The following KDM5C variants were observed in gnomAD, a reference collection of about 807,000 sequenced individuals.
KDM5C encodes lysine-specific demethylase 5C.
Under a neutral mutation model 110.6 loss-of-function variants are expected in KDM5C, and 16 were observed. The ratio of observed to expected loss-of-function variants is 0.14; its 90% CI spans 0.10 to 0.22. KDM5C has a LOEUF of 0.22. Ranked by LOEUF, KDM5C falls within the 10% of genes least tolerant of loss-of-function variation. The probability of loss-of-function intolerance (pLI) is 1.00; values close to 1 mark genes in which losing one functional copy is unlikely to be tolerated. For synonymous variants in KDM5C, 511 were observed against 520.4 expected, an observed-to-expected ratio of 0.98 and a Z score of 0.24; for missense variants, 681 against 1,300.9, an observed-to-expected ratio of 0.52 and a Z score of 7.33.
intron 22 of KDM5C, 85 bp downstream of exon 22, chrX:53,194,846 G>A: frequency 8.4e-7 from 1 of 1,191,637 alleles, no homozygotes; most frequent in African/African-American, 1.8e-5. Context: ...GAGGCTCAGG[G>A]GACAAGCGGT....
rs782209831 is a variant in KDM5C at position 53,194,694 on chromosome X, G to T, written c.3483C>A (p.Ile1161=). Residue 1161 remains isoleucine (I), a synonymous_variant, in exon 23 of 26, where the codon ATC becomes ATA. Transcript: ENST00000375401. ...KEGEQKEKEG[I]LQLRRTNSAK... is the part of the protein sequence containing the mutation. ...CCGAATTGGTGCGACGCAGCTGCAG[G>T]ATACCCTCCTTCTCCTTCTGTTCCC... The T allele has an allele frequency of 3.3e-6, 4 of 1,211,162 alleles. No homozygotes were observed. The Admixed American group carries it at 8.7e-5, about 26-fold the overall frequency.
At chrX:53,205,201 AG>A (rs2073288365) in intron 12 of KDM5C, among the ~76,000 whole-genome samples, 1 of 112,104 alleles carries the variant, frequency 8.9e-6, no homozygotes, top group African/African-American at 3.2e-5. Context: ...AGTGCCGGTA[AG>A]GGAATAAATA....
rs1556842306 is a variant in KDM5C at position 53,201,962 on chromosome X, T to C, written c.1758A>G (p.Thr586=). 8.3e-7 allele frequency: 1 copy of C among 1,211,923 alleles called. No homozygotes were observed. The highest frequency in any genetic ancestry group is 1.1e-6 in the Non-Finnish European group (1 of 895,555). ...TGACAAACTCTCCTGCACACTGGTTTGTGCGGACAACCTGAAGAACACAAA... is the reference window on the plus strand; with the variant it reads ...TGACAAACTCTCCTGCACACTGGTTCGTGCGGACAACCTGAAGAACACAAA... The part of the protein sequence containing the change: ...LMSHGVPVVR[T]NQCAGEFVIT... The change falls in exon 13 of 26, where the codon ACA becomes ACG. Residue 586 remains threonine (T), a synonymous_variant. Transcript: ENST00000375401.
intron 25 of KDM5C, among the ~76,000 whole-genome samples, chrX:53,178,973 G>A (rs1439519814): frequency 9.0e-6 from 1 of 111,163 alleles, no homozygotes; most frequent in Non-Finnish European, 1.9e-5. Flanking sequence ...GGTGGCTCAC[G>A]CCTGTAATCC....
intron 25 of KDM5C, among the ~76,000 whole-genome samples, chrX:53,178,485 A>G (rs147400164): frequency 0.013 from 1,413 of 112,346 alleles, 13 homozygotes; most frequent in Non-Finnish European, 0.019. Context: ...TATTGCTGAC[A>G]TAATTAAGAA....
chrX:53,202,453 A>G (rs1259367270), intron 12 of KDM5C: 1 of 125,896 alleles, frequency 7.9e-6, no homozygotes, highest in African/African-American at 3.2e-5. Context: ...CTTCTAGACT[A>G]TGTTAAAAAC....
downstream of KDM5C, among the ~76,000 whole-genome samples, chrX:53,190,605 T>C (rs782735849): frequency 6.0e-4 from 67 of 111,308 alleles, no homozygotes; most frequent in Non-Finnish European, 1.0e-3. Flanking sequence ...AGCCAAAAGG[T>C]CAGCCTTTTC....
Position 53,224,824 on chromosome X carries a change from G to C in KDM5C, c.66C>G (p.Ala22=), listed in dbSNP as rs376370154. ...PECPVFEPSW[A]EFRDPLGYIA... ...TGTAGCCAAGAGGGTCTCGGAACTC[G>C]GCCCAGCTAGGCTCGAACACCGGGC... Residue 22 remains alanine, a synonymous_variant, in exon 1 of 26, where the codon GCC becomes GCG. Transcript: ENST00000375401. 2.5e-6 allele frequency: 3 copies of C among 1,210,828 alleles called. No homozygotes were observed. Among genetic ancestry groups the C allele is most frequent in the Non-Finnish European group, 2.2e-6 (2 of 894,702 alleles).
At chrX:53,218,232 T>C in intron 3 of KDM5C, 44 bp downstream of exon 3, 7 of 1,208,051 alleles carry the variant, frequency 5.8e-6, no homozygotes, top group Non-Finnish European at 7.8e-6. Context: ...ATCAAGGATA[T>C]TGGGGTTTGG....
chrX:53,177,720 T>C (rs997556942), intron 25 of KDM5C, among the ~76,000 whole-genome samples: 1 of 112,474 alleles, frequency 8.9e-6, no homozygotes, highest in Non-Finnish European at 1.9e-5. Context: ...TAATCAGTTA[T>C]ATCATTTGAT....
intron 8 of KDM5C, chrX:53,212,884 C>T (rs2073617213): frequency 9.1e-6 from 1 of 110,243 alleles, no homozygotes; most frequent in Non-Finnish European, 1.9e-5. Flanking sequence ...GCCTGTAATC[C>T]CAGCTACTCA....
rs1556856243 is a variant in KDM5C at position 53,224,918 on chromosome X, G to C, written c.-29C>G. Reference sequence around the variant, plus strand: ...GGGCCCGAGGTCTGGGCCAGGGATCGGGAGGCTTGGACCGCCCTTAAGGAC... The same window carrying C: ...GGGCCCGAGGTCTGGGCCAGGGATCCGGAGGCTTGGACCGCCCTTAAGGAC... On this transcript the variant is annotated 5_prime_UTR_variant, in exon 1 of 26. Transcript: ENST00000375401. 3.4e-6 allele frequency: 4 copies of C among 1,190,146 alleles called. No homozygotes were observed. The highest frequency in any genetic ancestry group is 6.1e-5 in the East Asian group (2 of 33,015).
intron 8 of KDM5C, chrX:53,212,818 T>C (rs1223019003): frequency 2.8e-5 from 3 of 108,319 alleles, no homozygotes; most frequent in African/African-American, 1.0e-4. Context: ...CTGGCCACCA[T>C]GGTGAAACCC....
intron 18 of KDM5C, 106 bp from the exon 19 acceptor site, chrX:53,197,150 T>G: frequency 1.6e-6 from 1 of 611,126 alleles, no homozygotes; most frequent in Non-Finnish European, 2.6e-6. Context: ...TCCAAGCTTT[T>G]GGGGCAAAGG....
Position 53,193,230 on chromosome X carries a change from G to A in KDM5C, c.4420C>T (p.Arg1474Ter), listed in dbSNP as rs61751436. 2 of 1,209,390 alleles carry A rather than the reference G, an allele frequency of 1.7e-6. No homozygotes were observed. The highest frequency in any genetic ancestry group is 2.2e-6 in the Non-Finnish European group (2 of 895,264). Residue 1474 changes from arginine (R) to a stop codon, truncating the protein, a stop_gained, in exon 26 of 26, where the codon CGA becomes TGA. Coordinates refer to ENST00000375401, the MANE Select transcript of KDM5C (RefSeq NM_004187.5). LOFTEE classifies it high-confidence loss of function. ...DRGGEGDDPA[R>*]EELEPKRVRS... ...ACCCTCTTTGGCTCTAGCTCCTCTC[G>A]GGCTGGGTCATCGCCCTCCCCACCC...
At position 53,192,818 on chromosome X, in the gene KDM5C, A is replaced by G; in HGVS notation, c.*149T>C. On this transcript the variant is annotated 3_prime_UTR_variant, in exon 26 of 26. Coordinates refer to ENST00000375401, the MANE Select transcript of KDM5C (RefSeq NM_004187.5). ...GAACAATACCTTGGAGTCAGAATAC[A>G]AAAGTCAAGGGACTCAGGGGTGGGC... is the stretch of plus-strand genomic sequence containing the variant. 2 of 1,144,036 alleles carry G rather than the reference A, an allele frequency of 1.7e-6. No homozygotes were observed. The highest frequency in any genetic ancestry group is 2.3e-6 in the Non-Finnish European group (2 of 858,204). The allele number at this position is 1,144,036 out of a possible 1,213,427, so 94.3% of individuals were successfully genotyped here. A position where few individuals can be genotyped will look rare whatever the true frequency, so the allele number is the denominator to read the frequency against.
At chrX:53,202,614 C>T (rs1245562073) in intron 12 of KDM5C, 1 of 112,760 alleles carries the variant, frequency 8.9e-6, no homozygotes, top group Non-Finnish European at 1.9e-5. Context: ...AGCTGTCCTC[C>T]CTGGATCATC....
chrX:53,218,746 TG>T (rs1203647255), intron 2 of KDM5C: 2 of 301,229 alleles, frequency 6.6e-6, no homozygotes, highest in African/African-American at 5.4e-5. Flanking sequence ...CGGCTAATTT[TG>T]TATTTTTTGT....
At chrX:53,186,628 GT>G (rs782183698), downstream of KDM5C, among the ~76,000 whole-genome samples, 40 of 112,633 alleles carry the variant, frequency 3.6e-4, no homozygotes, top group Non-Finnish European at 6.9e-4. Context: ...CTGTGACCAG[GT>G]GACTAAGGGA....
Sources: gnomAD v4.1 joint callset for allele counts (sites outside exome capture counted in the v4.1 genomes callset) on GRCh38, gnomAD v4.1.1 for gene constraint, MANE v1.5 for transcripts, NCBI Gene and HGNC (gene_info 2026-07-23, HGNC 2026-07-21) for gene names.